The following MIPOL1 variants were observed in gnomAD, a reference collection of about 807,000 sequenced individuals.
MIPOL1 encodes the protein mirror-image polydactyly 1.
A neutral mutation model predicts 60.9 loss-of-function variants in MIPOL1; 57 were observed. The ratio of observed to expected loss-of-function variants is 0.94; its 90% confidence interval spans 0.76 to 1.17. The LOEUF is 1.17. MIPOL1 is among the 50% of genes most tolerant of loss of function. The pLI is 0.00. For synonymous variants in MIPOL1, 179 were observed against 168.8 expected, an observed-to-expected ratio of 1.06 and a Z score of -0.47; for missense variants, 551 against 511.6, an observed-to-expected ratio of 1.08 and a Z score of -0.74.
rs1462827322 is a variant in MIPOL1, at chr14:37,549,143, C to A, written c.*2172C>A. 6.6e-6 allele frequency: 1 copy of A among 151,854 alleles called. No individual in the cohort carries two copies. Among genetic ancestry groups the A allele is most frequent in the Non-Finnish European group, 1.5e-5 (1 of 67,822 alleles). 9.4% of individuals were successfully genotyped at this position (151,854 alleles called of 1,614,324 possible). ...TAGCCTTGCCTACTGAAGATAGGTT[C>A]TCTATGTATTCAACAATAATGCAAC... is the stretch of plus-strand genomic sequence containing the variant. On this transcript the variant is annotated 3_prime_UTR_variant, in exon 13 of 13. Transcript: ENST00000684589.
Position 37,337,648 on chromosome 14 carries a change from G to A in MIPOL1, c.828+29129G>A, listed in dbSNP as rs188215854. Among the ~76,000 whole-genome samples the A allele has an allele frequency of 5.1e-3, 767 of 151,850 alleles. 7 individuals are homozygous for A. Among genetic ancestry groups the A allele is most frequent in the African/African-American group, 0.018 (744 of 41,396 alleles). The stretch of plus-strand genomic sequence containing the variant: ...CTCCCAAAGTGCTGGGATTACAGGC[G>A]TGAGCCACTGTGCCTGGCCTTGTAT... On this transcript the variant is annotated intron_variant, in intron 9 of 12. Transcript: ENST00000684589.
intron 12 of MIPOL1, 118 bp from the exon 13 acceptor site, chr14:37,546,787 A>T: frequency 1.3e-6 from 1 of 770,788 alleles, no homozygotes; most frequent in Non-Finnish European, 2.2e-6. Context: ...TTTGTTTCTT[A>T]ACATGACCGT....
At chr14:37,425,943 T>G (rs1203217960) in intron 11 of MIPOL1, among the ~76,000 whole-genome samples, 1 of 152,026 alleles carries the variant, frequency 6.6e-6, no homozygotes, top group Admixed American at 6.6e-5. Flanking sequence ...AATTAGGAGG[T>G]AAAGAAGCAT....
intron 3 of MIPOL1, among the ~76,000 whole-genome samples, chr14:37,266,683 A>C (rs532736688): frequency 6.6e-6 from 1 of 152,230 alleles, no homozygotes; most frequent in African/African-American, 2.4e-5. Context: ...GCCAACTATA[A>C]AAGCCCCCAG....
At chr14:37,510,607 G>A (rs1404108304) in intron 12 of MIPOL1, among the ~76,000 whole-genome samples, 1 of 152,114 alleles carries the variant, frequency 6.6e-6, no homozygotes, top group Non-Finnish European at 1.5e-5. Flanking sequence ...GACATTGACT[G>A]TGTTCTATTC....
chr14:37,355,335 T>G (rs955968080), intron 9 of MIPOL1, among the ~76,000 whole-genome samples: 3 of 124,834 alleles, frequency 2.4e-5, no homozygotes, highest in Admixed American at 1.8e-4. Context: ...TGGCTGCCCT[T>G]AACATTTTTT....
intron 11 of MIPOL1, among the ~76,000 whole-genome samples, chr14:37,447,847 C>G (rs898013408): frequency 2.0e-5 from 3 of 151,830 alleles, no homozygotes; most frequent in Admixed American, 6.6e-5. Context: ...TTATTTTGCT[C>G]AAAGAACTTA....
In MIPOL1 at chr14:37,523,590, C is replaced by CTA. The variant is rs113523432; in HGVS notation, c.1263-23314_1263-23313insAT. 7.1e-3 allele frequency: 2,857 copies of CTA among 400,466 alleles called. 78 individuals carry two copies. Among genetic ancestry groups the CTA allele is most frequent in the African/African-American group, 0.053 (2,567 of 48,604 alleles). The allele number at this position is 400,466 out of a possible 1,614,324, so 24.8% of individuals were successfully genotyped here. A position where few individuals can be genotyped will look rare whatever the true frequency, so the allele number is the denominator to read the frequency against. ...AACAGGTCATGATTTAAATATTTTT[C>CTA]TGTCATAATTATAATAGTTAGATGT... On this transcript the variant is annotated intron_variant, in intron 12 of 12. Transcript: ENST00000684589.
At chr14:37,470,708 A>T (rs2094674865) in intron 11 of MIPOL1, among the ~76,000 whole-genome samples, 1 of 152,058 alleles carries the variant, frequency 6.6e-6, no homozygotes, top group African/African-American at 2.4e-5. Flanking sequence ...CGTGGGTTGC[A>T]ATCAGGAGAG....
intron 1 of MIPOL1, among the ~76,000 whole-genome samples, chr14:37,246,113 T>C (rs1050083259): frequency 6.6e-6 from 1 of 152,110 alleles, no homozygotes; most frequent in South Asian, 2.1e-4. Context: ...CATAACAGTA[T>C]TGAATATTTT....
intron 11 of MIPOL1, among the ~76,000 whole-genome samples, chr14:37,452,878 AAT>A (rs1333894185): frequency 6.6e-6 from 1 of 152,186 alleles, no homozygotes; most frequent in African/African-American, 2.4e-5. Flanking sequence ...CTCAAGAGTT[AAT>A]GGGATTAATG....
intron 6 of MIPOL1, among the ~76,000 whole-genome samples, chr14:37,282,277 A>G (rs2084174419): frequency 1.7e-5 from 2 of 120,626 alleles, no homozygotes; most frequent in South Asian, 6.1e-4. Flanking sequence ...ATTATTTAAG[A>G]TGGAGTTTCG....
At chr14:37,244,525 C>T (rs1351248883) in intron 1 of MIPOL1, among the ~76,000 whole-genome samples, 1 of 151,682 alleles carries the variant, frequency 6.6e-6, no homozygotes, top group African/African-American at 2.4e-5. Context: ...CTCATATATC[C>T]TCTGTTGGTT....
chr14:37,198,087 A>G lies in MIPOL1; in HGVS notation c.-216A>G, dbSNP rs1040202113. ...GCGCGCAGTGTCGACTCCCCGGTCT[A>G]TGCCAGGCGCATCTCAGGTAAACGG... On this transcript the variant is annotated 5_prime_UTR_variant, in exon 1 of 13. It removes an upstream start codon present in the reference 5' UTR. Coordinates refer to ENST00000684589, the MANE Select transcript of MIPOL1 (RefSeq NM_001388067.1). The G allele has an allele frequency of 3.9e-5, 6 of 152,480 alleles. No individual in the cohort carries two copies. The highest frequency in any genetic ancestry group is 1.4e-4 in the African/African-American group (6 of 41,584). The allele number at this position is 152,480 out of a possible 1,614,324, so 9.4% of individuals were successfully genotyped here.
At chr14:37,397,750 T>C (rs1595585718) in intron 10 of MIPOL1, among the ~76,000 whole-genome samples, 1 of 152,000 alleles carries the variant, frequency 6.6e-6, no homozygotes, top group Non-Finnish European at 1.5e-5. Context: ...GTCAGGAAAG[T>C]GGGGAAAGCT....
intron 1 of MIPOL1, among the ~76,000 whole-genome samples, chr14:37,234,429 G>A (rs550879246): frequency 6.7e-6 from 1 of 149,078 alleles, no homozygotes; most frequent in African/African-American, 2.5e-5. Flanking sequence ...AGGCTCAAGT[G>A]ATCCACCCAC....
intron 11 of MIPOL1, among the ~76,000 whole-genome samples, chr14:37,471,952 A>G (rs2094695214): frequency 6.6e-6 from 1 of 152,198 alleles, no homozygotes; most frequent in African/African-American, 2.4e-5. Flanking sequence ...TCACTCATTT[A>G]TAGGAGGAAG....
intron 1 of MIPOL1, among the ~76,000 whole-genome samples, chr14:37,242,593 T>C (rs1972529967): frequency 6.6e-6 from 1 of 152,180 alleles, no homozygotes; most frequent in Non-Finnish European, 1.5e-5. Flanking sequence ...ACCAGTTCTC[T>C]ATTGACGGAC....
intron 7 of MIPOL1, among the ~76,000 whole-genome samples, chr14:37,302,880 C>G (rs986576677): frequency 6.6e-5 from 10 of 151,674 alleles, no homozygotes; most frequent in Admixed American, 5.3e-4. Context: ...CCTTTTATTA[C>G]AGAATTGTTT....
Sources: allele counts gnomAD v4.1 joint callset (sites outside exome capture counted in the v4.1 genomes callset), GRCh38; gene constraint gnomAD v4.1.1; transcripts MANE v1.5; gene names NCBI Gene and HGNC (gene_info 2026-07-23, HGNC 2026-07-21).